HBP1: variants seen among roughly 807,000 people sequenced by gnomAD.
The protein encoded by HBP1 is HMG box-containing protein 1.
Under a neutral mutation model 62.6 loss-of-function variants are expected in HBP1, and 20 were observed. The observed-to-expected ratio is 0.32, with a 90% CI of 0.22 to 0.46. The LOEUF (loss-of-function observed/expected upper bound fraction) is 0.46. Ranked by LOEUF, HBP1 falls within the 20% of genes least tolerant of loss-of-function variation. The probability of loss-of-function intolerance (pLI) is 1.00; values close to 1 mark genes in which losing one functional copy is unlikely to be tolerated. For missense variants in HBP1, 480 were observed against 611.8 expected (o/e 0.78, Z 2.27); for synonymous variants, 232 against 206.2 (o/e 1.12, Z -1.07).
intron 1 of HBP1, chr7:107,169,629 A>T: frequency 9.9e-6 from 5 of 503,478 alleles, no homozygotes; most frequent in Non-Finnish European, 1.3e-5. Context: ...GGGGGACCCC[A>T]GTGAGGCGCC....
intron 1 of HBP1, among the ~76,000 whole-genome samples, chr7:107,171,816 G>C (rs1452674861): frequency 6.7e-6 from 1 of 148,520 alleles, no homozygotes; most frequent in African/African-American, 2.5e-5. Context: ...GACAAGATCA[G>C]GCCACTGTAC....
At chr7:107,170,190 C>G (rs1028107594) in intron 1 of HBP1, 2 of 936,572 alleles carry the variant, frequency 2.1e-6, no homozygotes, top group Admixed American at 6.2e-5. Context: ...GATGCCAGGA[C>G]GAGAGGAGGC....
At chr7:107,179,132 G>C (rs1229566880) in intron 1 of HBP1, among the ~76,000 whole-genome samples, 1 of 152,104 alleles carries the variant, frequency 6.6e-6, no homozygotes, top group Non-Finnish European at 1.5e-5. Context: ...CATTAAAATA[G>C]AATCTTTAAA....
At chr7:107,190,792 C>G (rs981915216) in intron 8 of HBP1, among the ~76,000 whole-genome samples, 1 of 152,142 alleles carries the variant, frequency 6.6e-6, no homozygotes, top group Non-Finnish European at 1.5e-5. Flanking sequence ...AGAAAATAGC[C>G]TAAACTTCAC....
intron 10 of HBP1, chr7:107,200,860 A>ATAAC (rs1365803827): frequency 1.3e-5 from 2 of 152,664 alleles, no homozygotes; most frequent in African/African-American, 2.4e-5. Context: ...CTTGTTTCTT[A>ATAAC]TAACTTTTCC....
rs1351468683 is a variant in HBP1 at position 107,200,161 on chromosome 7, G to A, written c.1387G>A (p.Ala463Thr). 17 of 1,598,852 alleles carry A rather than the reference G, an allele frequency of 1.1e-5. No homozygotes were observed. The highest frequency in any genetic ancestry group is 8.5e-7 in the Non-Finnish European group (1 of 1,172,756). The change falls in exon 10 of 11, where the codon GCC (alanine) becomes ACC (threonine). Residue 463 changes from alanine to threonine, a missense_variant and splice_region_variant. Around this residue, in one of 4 missense-constraint regions of HBP1, gnomAD observed 52 missense variants for 96.0 expected, o/e 0.54. Coordinates refer to ENST00000222574, the MANE Select transcript of HBP1 (RefSeq NM_012257.4). The part of the protein sequence containing the change: ...TQMYPGKDNR[A>T]ISVILGDRWK... The stretch of plus-strand genomic sequence containing the variant: ...ATTGTGTAAATATTTATTTTACAGA[G>A]CCATAAGTGTGATCCTTGGTGACAG...
intron 8 of HBP1, among the ~76,000 whole-genome samples, chr7:107,191,562 C>A (rs147743539): frequency 1.1e-4 from 16 of 152,220 alleles, no homozygotes; most frequent in African/African-American, 3.9e-4. Flanking sequence ...AGCTGTATTA[C>A]TCATGATAGC....
At chr7:107,201,167 T>C (rs1798261318) in intron 10 of HBP1, 1 of 363,796 alleles carries the variant, frequency 2.7e-6, no homozygotes, top group Non-Finnish European at 5.0e-6. Flanking sequence ...TTGGTTAATT[T>C]AGAATTTCAT....
Position 107,182,246 on chromosome 7 carries a change from A to G in HBP1, c.170-127A>G, listed in dbSNP as rs1000498973. The G allele has an allele frequency of 8.1e-6, 5 of 619,686 alleles. No homozygotes were observed. The African/African-American group carries it at 9.2e-5, about 11-fold the overall frequency. 38.4% of individuals were successfully genotyped at this position (619,686 alleles called of 1,614,324 possible). ...TTTCCAGTCTGTGAACAGAATGTTA[A>G]ATTTATGATTTTCCTCTCTCAAAAT... On this transcript the variant is annotated intron_variant, in intron 2 of 10. Coordinates refer to ENST00000222574, the MANE Select transcript of HBP1 (RefSeq NM_012257.4).
chr7:107,200,383 C>CT, intron 10 of HBP1, 82 bp downstream of exon 10: 2 of 1,133,310 alleles, frequency 1.8e-6, no homozygotes, highest in South Asian at 1.6e-5. Flanking sequence ...TTGTTACAAC[C>CT]TTTAAGAGGT....
chr7:107,174,763 T>G, intron 1 of HBP1: 1 of 945,140 alleles, frequency 1.1e-6, no homozygotes. Flanking sequence ...TGGGAAATGT[T>G]TTCAGTTCAG....
intron 9 of HBP1, among the ~76,000 whole-genome samples, chr7:107,197,668 G>A (rs1310253504): frequency 1.3e-5 from 2 of 152,120 alleles, no homozygotes; most frequent in Non-Finnish European, 2.9e-5. Context: ...CGGGCCCAGC[G>A]CTAAGAGGCT....
chr7:107,193,448 T>TA (rs1162562793), intron 8 of HBP1: 1 of 152,180 alleles, frequency 6.6e-6, no homozygotes, highest in Non-Finnish European at 1.5e-5. Flanking sequence ...CAATAATAGA[T>TA]ACTCCTAATG....
At chr7:107,196,715 C>G (rs962053212) in intron 9 of HBP1, 2 of 164,276 alleles carry the variant, frequency 1.2e-5, no homozygotes, top group African/African-American at 4.8e-5. Context: ...AGTACAGCGG[C>G]GCAACTCACT....
chr7:107,169,604 G>C (rs935396793), intron 1 of HBP1: 2 of 292,062 alleles, frequency 6.8e-6, no homozygotes, highest in Non-Finnish European at 1.0e-5. Flanking sequence ...CAGGGGTGGG[G>C]GGCTGGCCGG....
intron 8 of HBP1, 104 bp downstream of exon 8, chr7:107,190,421 T>C: frequency 1.4e-6 from 1 of 707,806 alleles, no homozygotes; most frequent in Non-Finnish European, 2.3e-6. Context: ...TCTTTAAAGA[T>C]TTGAGAATTA....
chr7:107,180,138 C>A, intron 2 of HBP1, 76 bp downstream of exon 2: 3 of 825,340 alleles, frequency 3.6e-6, no homozygotes, highest in Non-Finnish European at 5.9e-6. Flanking sequence ...GCTTCTCCAC[C>A]AACCTTGACT....
At chr7:107,171,636 G>A (rs183052565) in intron 1 of HBP1, among the ~76,000 whole-genome samples, 1 of 152,118 alleles carries the variant, frequency 6.6e-6, no homozygotes, top group Non-Finnish European at 1.5e-5. Context: ...GGCTGAGGCG[G>A]GTGGATCACC....
intron 2 of HBP1, among the ~76,000 whole-genome samples, 178 bp from the exon 3 acceptor site, chr7:107,182,195 G>A (rs1456273105): frequency 6.6e-6 from 1 of 152,112 alleles, no homozygotes; most frequent in Non-Finnish European, 1.5e-5. Context: ...GGAATAAGAA[G>A]CAGAAAACAC....
Sources: gnomAD v4.1 joint callset for allele counts (sites outside exome capture counted in the v4.1 genomes callset) on GRCh38, gnomAD v4.1.1 for gene constraint, gnomAD v4.1.1 regional missense constraint, MANE v1.5 for transcripts, NCBI Gene and HGNC (gene_info 2026-07-23, HGNC 2026-07-21) for gene names.